PDE4B: variants seen among roughly 807,000 people sequenced by gnomAD.
PDE4B encodes the protein 3',5'-cyclic-AMP phosphodiesterase 4B.
Under a neutral mutation model 82.2 loss-of-function variants are expected in PDE4B, and 20 were observed. The observed-to-expected ratio is 0.24, with a 90% CI of 0.17 to 0.35. PDE4B has a LOEUF of 0.35. PDE4B is among the 10% of genes least tolerant of loss of function. The pLI is 1.00. For synonymous variants in PDE4B, 320 were observed against 318.9 expected, an observed-to-expected ratio of 1.00 and a Z score of -0.04; for missense variants, 655 against 907.2, an observed-to-expected ratio of 0.72 and a Z score of 3.57.
intron 3 of PDE4B, among the ~76,000 whole-genome samples, chr1:65,974,744 T>C (rs1650321749): frequency 6.6e-6 from 1 of 152,192 alleles, no homozygotes; most frequent in African/African-American, 2.4e-5. Flanking sequence ...TTGCTCTCTT[T>C]CTCTTCTGCT....
chr1:65,906,700 G>A (rs558996451), intron 1 of PDE4B, among the ~76,000 whole-genome samples: 2 of 152,046 alleles, frequency 1.3e-5, no homozygotes, highest in Non-Finnish European at 2.9e-5. Context: ...TCAGCAAATT[G>A]AATATTAAGA....
intron 3 of PDE4B, among the ~76,000 whole-genome samples, chr1:66,223,583 C>T (rs915804368): frequency 6.6e-6 from 1 of 152,144 alleles, no homozygotes; most frequent in Admixed American, 6.5e-5. Flanking sequence ...AGATTTCCTC[C>T]ATCCCTAGAC....
chr1:66,350,842 C>CTGTA (rs1351819864), intron 8 of PDE4B, among the ~76,000 whole-genome samples: 2 of 152,146 alleles, frequency 1.3e-5, no homozygotes, highest in African/African-American at 4.8e-5. Context: ...GAAATAATCT[C>CTGTA]TGTATGCAGT....
intron 3 of PDE4B, among the ~76,000 whole-genome samples, chr1:65,920,291 A>G (rs550798332): frequency 9.3e-4 from 141 of 152,338 alleles, no homozygotes; most frequent in Admixed American, 2.0e-3. Flanking sequence ...CTCGCAGACT[A>G]TTCTCCTGAA....
At chr1:65,904,011 A>G (rs1269058821) in intron 1 of PDE4B, among the ~76,000 whole-genome samples, 1 of 152,186 alleles carries the variant, frequency 6.6e-6, no homozygotes, top group Non-Finnish European at 1.5e-5. Context: ...TAGTATTTAT[A>G]TTTCTGAGAA....
At chr1:66,108,448 T>G (rs2503165) in intron 3 of PDE4B, among the ~76,000 whole-genome samples, 152,124 of 152,146 alleles carry the variant, frequency 1, 76,051 homozygotes, top group Middle Eastern at 1. Context: ...AGACAAATGC[T>G]ATTGCATCAC....
chr1:65,812,473 T>C (rs1343859134), intron 1 of PDE4B, among the ~76,000 whole-genome samples: 2 of 152,186 alleles, frequency 1.3e-5, no homozygotes, highest in Non-Finnish European at 2.9e-5. Context: ...CCAAATGTAA[T>C]TGGCCATAAT....
intron 7 of PDE4B, among the ~76,000 whole-genome samples, chr1:66,271,077 AT>A (rs1655439475): frequency 6.6e-6 from 1 of 152,252 alleles, no homozygotes; most frequent in South Asian, 2.1e-4. Flanking sequence ...TGAGCTGTTT[AT>A]ATTGATTTGC....
intron 7 of PDE4B, among the ~76,000 whole-genome samples, chr1:66,282,622 A>T (rs1283890193): frequency 6.6e-6 from 1 of 152,218 alleles, no homozygotes; most frequent in Non-Finnish European, 1.5e-5. Context: ...GTGTGACTTA[A>T]ATGAAAGAGC....
At chr1:66,108,604 A>G (rs150302083) in intron 3 of PDE4B, among the ~76,000 whole-genome samples, 168 of 152,160 alleles carry the variant, frequency 1.1e-3, no homozygotes, top group Admixed American at 1.6e-3. Flanking sequence ...AATAGCAAGA[A>G]AACAATCCAA....
intron 3 of PDE4B, among the ~76,000 whole-genome samples, chr1:66,065,620 T>C (rs1330946900): frequency 1.3e-5 from 2 of 151,860 alleles, no homozygotes; most frequent in Non-Finnish European, 2.9e-5. Context: ...AATGTAATCA[T>C]AGAATGTTAG....
chr1:66,300,701 A>C (rs1657826324), intron 7 of PDE4B, among the ~76,000 whole-genome samples: 1 of 152,138 alleles, frequency 6.6e-6, no homozygotes, highest in Non-Finnish European at 1.5e-5. Context: ...CCCTGAACTC[A>C]AGATCTTTAC....
At chr1:66,314,780 C>T (rs146236080) in intron 7 of PDE4B, among the ~76,000 whole-genome samples, 33 of 152,284 alleles carry the variant, frequency 2.2e-4, no homozygotes, top group East Asian at 1.7e-3. Context: ...TCATTTTGGC[C>T]GCCATGCCAT....
chr1:66,180,241 G>A (rs6656638), intron 3 of PDE4B, among the ~76,000 whole-genome samples: 15,300 of 152,104 alleles, frequency 0.1, 1,024 homozygotes, highest in African/African-American at 0.2. Flanking sequence ...TGGAGGAAAG[G>A]GGCAGAAAAT....
chr1:66,020,700 T>TAATCCA (rs1161383116), intron 3 of PDE4B, among the ~76,000 whole-genome samples: 1 of 152,264 alleles, frequency 6.6e-6, no homozygotes, highest in Non-Finnish European at 1.5e-5. Flanking sequence ...CACATTTTCT[T>TAATCCA]AATCCAGTCT....
chr1:65,947,685 T>C (rs903995234), intron 3 of PDE4B, among the ~76,000 whole-genome samples: 1 of 151,960 alleles, frequency 6.6e-6, no homozygotes, highest in Non-Finnish European at 1.5e-5. Context: ...AAGACAGTTA[T>C]GTAAATCTGG....
At chr1:66,112,910 G>A (rs1570266543) in intron 3 of PDE4B, 1 of 152,142 alleles carries the variant, frequency 6.6e-6, no homozygotes, top group Non-Finnish European at 1.5e-5. Flanking sequence ...CTTAAAACTG[G>A]GTCTTCCACT....
chr1:65,858,192 T>C (rs1646414472), intron 1 of PDE4B, among the ~76,000 whole-genome samples: 1 of 152,174 alleles, frequency 6.6e-6, no homozygotes, highest in Non-Finnish European at 1.5e-5. Flanking sequence ...CTCATTGTAG[T>C]CCCTAGGAAC....
At chr1:66,268,718 A>C (rs1271130361) in intron 7 of PDE4B, among the ~76,000 whole-genome samples, 1 of 151,826 alleles carries the variant, frequency 6.6e-6, no homozygotes, top group African/African-American at 2.4e-5. Flanking sequence ...AAAGAAAGAA[A>C]TACCAGAAAT....
Sources: allele counts gnomAD v4.1 joint callset (sites outside exome capture counted in the v4.1 genomes callset), GRCh38; gene constraint gnomAD v4.1.1; transcripts MANE v1.5; gene names NCBI Gene and HGNC (gene_info 2026-07-23, HGNC 2026-07-21).